The following RPS6KC1 variants were observed in gnomAD, a reference collection of about 807,000 sequenced individuals.
RPS6KC1 encodes inactive ribosomal protein S6 kinase delta-1.
Under a neutral mutation model 103.8 loss-of-function variants are expected in RPS6KC1, and 54 were observed. The observed-to-expected ratio is 0.52, with a 90% CI of 0.42 to 0.65. The LOEUF (loss-of-function observed/expected upper bound fraction) is 0.65. RPS6KC1 is among the 30% of genes least tolerant of loss of function. The pLI is 0.00. For synonymous variants in RPS6KC1, 439 were observed against 438.7 expected (o/e 1.00, Z -0.01); for missense variants, 1,151 against 1,253.8 (o/e 0.92, Z 1.24).
the RPS6KC1 span, among the ~76,000 whole-genome samples, chr1:213,835,394 G>T: frequency 6.6e-6 from 1 of 152,150 alleles, no homozygotes; most frequent in Non-Finnish European, 1.5e-5. Flanking sequence ...TAGGGAAGAG[G>T]CATCATCTGC....
At chr1:213,303,033 C>T in the RPS6KC1 span, among the ~76,000 whole-genome samples, 3 of 152,210 alleles carry the variant, frequency 2.0e-5, no homozygotes, top group Non-Finnish European at 4.4e-5. Context: ...TGTGGGCACA[C>T]TAAAGATTTG....
At chr1:213,114,965 T>C (rs1013378791) in intron 4 of RPS6KC1, among the ~76,000 whole-genome samples, 6 of 152,338 alleles carry the variant, frequency 3.9e-5, no homozygotes, top group Non-Finnish European at 7.4e-5. Context: ...CAGTATTTTA[T>C]TGAGGATTTT....
the RPS6KC1 span, among the ~76,000 whole-genome samples, chr1:213,478,949 T>A: frequency 6.6e-6 from 1 of 151,996 alleles, no homozygotes; most frequent in South Asian, 2.1e-4. Flanking sequence ...TTTACTTATT[T>A]TATATATTTT....
the RPS6KC1 span, among the ~76,000 whole-genome samples, chr1:213,309,029 C>T: frequency 6.6e-6 from 1 of 152,062 alleles, no homozygotes; most frequent in East Asian, 1.9e-4. Context: ...CGGTGGCTCA[C>T]GTCTGTAATC....
At chr1:213,334,136 C>T in the RPS6KC1 span, among the ~76,000 whole-genome samples, 1 of 152,170 alleles carries the variant, frequency 6.6e-6, no homozygotes, top group African/African-American at 2.4e-5. Context: ...TTACTGAGGT[C>T]AGGCCCATGT....
the RPS6KC1 span, among the ~76,000 whole-genome samples, chr1:213,749,925 C>T: frequency 1.3e-5 from 2 of 152,316 alleles, no homozygotes; most frequent in South Asian, 2.1e-4. Flanking sequence ...AACATCCCCA[C>T]GGTCACTGTT....
chr1:213,813,730 G>A, the RPS6KC1 span, among the ~76,000 whole-genome samples: 2,976 of 152,226 alleles, frequency 0.02, 91 homozygotes, highest in African/African-American at 0.063. Context: ...AAGATAGAGC[G>A]ATAGATGGCC....
chr1:213,171,285 A>G (rs1486575341), intron 7 of RPS6KC1, among the ~76,000 whole-genome samples: 1 of 151,996 alleles, frequency 6.6e-6, no homozygotes, highest in Non-Finnish European at 1.5e-5. Context: ...CAGGTTTCAC[A>G]TAAAAAGGAA....
chr1:213,527,908 A>G, the RPS6KC1 span, among the ~76,000 whole-genome samples: 1 of 152,224 alleles, frequency 6.6e-6, no homozygotes, highest in African/African-American at 2.4e-5. Flanking sequence ...TAAGCTAAAG[A>G]AAAGAAAATG....
intron 6 of RPS6KC1, among the ~76,000 whole-genome samples, chr1:213,149,041 T>A (rs1165947328): frequency 6.6e-6 from 1 of 152,202 alleles, no homozygotes; most frequent in African/African-American, 2.4e-5. Context: ...ACATTTCTGA[T>A]TTTATTTATT....
the RPS6KC1 span, among the ~76,000 whole-genome samples, chr1:213,547,739 C>G: frequency 6.6e-6 from 1 of 152,168 alleles, no homozygotes; most frequent in Non-Finnish European, 1.5e-5. Flanking sequence ...TTTTCTTCGT[C>G]CTTCCTCTTG....
the RPS6KC1 span, among the ~76,000 whole-genome samples, chr1:213,510,186 T>C: frequency 6.6e-6 from 1 of 152,196 alleles, no homozygotes; most frequent in Non-Finnish European, 1.5e-5. Context: ...TTGCATGCTC[T>C]GTTGTCTCCT....
Position 213,241,557 on chromosome 1 carries a change from A to G in RPS6KC1, c.2081A>G (p.Asn694Ser). ...TDEGRPDLLVNLPGELESTRE... is the reference protein window; with the variant it reads ...TDEGRPDLLVSLPGELESTRE... ...GAAGGAAGACCTGATCTTCTTGTAA[A>G]TTTACCTGGTGAATTGGAGTCAACA... Residue 694 changes from asparagine (N) to serine (S), a missense_variant, in exon 11 of 15, where the codon AAT becomes AGT. Around this residue, in one of 3 missense-constraint regions of RPS6KC1, gnomAD observed 959 missense variants for 1,006.3 expected, o/e 0.95. Transcript: ENST00000366960. The G allele has an allele frequency of 6.2e-7, 1 of 1,613,954 alleles. No individual in the cohort carries two copies. Among genetic ancestry groups the G allele is most frequent in the Non-Finnish European group, 8.5e-7 (1 of 1,179,934 alleles).
At chr1:213,132,429 C>G (rs578020539) in intron 6 of RPS6KC1, among the ~76,000 whole-genome samples, 1 of 151,994 alleles carries the variant, frequency 6.6e-6, no homozygotes. Flanking sequence ...ATAAAAGAAC[C>G]TTTGTTTCAG....
At chr1:213,515,367 A>G in the RPS6KC1 span, among the ~76,000 whole-genome samples, 20 of 152,204 alleles carry the variant, frequency 1.3e-4, no homozygotes, top group Non-Finnish European at 2.6e-4. Flanking sequence ...TGTTAGGTCT[A>G]ACATTTAAGT....
At chr1:213,321,377 A>G in the RPS6KC1 span, among the ~76,000 whole-genome samples, 1 of 152,194 alleles carries the variant, frequency 6.6e-6, no homozygotes, top group Non-Finnish European at 1.5e-5. Flanking sequence ...AACCACTGTG[A>G]TCTGACTAAC....
chr1:213,553,509 T>C, the RPS6KC1 span, among the ~76,000 whole-genome samples: 1 of 152,302 alleles, frequency 6.6e-6, no homozygotes, highest in African/African-American at 2.4e-5. Context: ...TTTATATTCC[T>C]TTTGGTATAT....
At chr1:213,390,349 C>T in the RPS6KC1 span, among the ~76,000 whole-genome samples, 9 of 152,178 alleles carry the variant, frequency 5.9e-5, no homozygotes, top group Admixed American at 3.9e-4. Flanking sequence ...TGTTTGCATC[C>T]ATTTCCTCAT....
chr1:213,384,567 A>G, the RPS6KC1 span, among the ~76,000 whole-genome samples: 1 of 152,080 alleles, frequency 6.6e-6, no homozygotes, highest in African/African-American at 2.4e-5. Context: ...CACCACGGGA[A>G]GGTGTCGAGG....
Sources: allele counts gnomAD v4.1 joint callset (sites outside exome capture counted in the v4.1 genomes callset), GRCh38; gene constraint gnomAD v4.1.1; regional missense constraint gnomAD v4.1.1; transcripts MANE v1.5; gene names NCBI Gene and HGNC (gene_info 2026-07-23, HGNC 2026-07-21).